The following RGN variants were observed in gnomAD, a reference collection of about 807,000 sequenced individuals.
The protein encoded by RGN is regucalcin.
RGN carries 19 observed loss-of-function variants against 20.6 expected under a neutral mutation model. The observed-to-expected ratio is 0.92, with a 90% CI of 0.64 to 1.35. RGN has a LOEUF of 1.35. RGN is among the 40% of genes most tolerant of loss of function. The probability of loss-of-function intolerance (pLI) is 0.00; values close to 1 mark genes in which losing one functional copy is unlikely to be tolerated. For synonymous variants in RGN, 85 were observed against 87.2 expected (o/e 0.97, Z 0.14); for missense variants, 302 against 232.7 (o/e 1.30, Z -1.94).
At chrX:47,092,821 C>T (rs1447746243) in intron 7 of RGN, 76 bp from the exon 8 acceptor site, 1 of 891,265 alleles carries the variant, frequency 1.1e-6, no homozygotes, top group East Asian at 3.2e-5. Context: ...TATATTACTA[C>T]AAATCATAAA....
At chrX:47,085,031 GTTC>G (rs782310290) in intron 4 of RGN, 5 of 114,743 alleles carry the variant, frequency 4.4e-5, no homozygotes, top group South Asian at 3.7e-4. Flanking sequence ...TGAATCTTGG[GTTC>G]TTCTTTTATT....
At chrX:47,090,073 C>A in intron 5 of RGN, 82 bp downstream of exon 5, 1 of 660,962 alleles carries the variant, frequency 1.5e-6, no homozygotes, top group Non-Finnish European at 2.3e-6. Context: ...TCTCCCTCGC[C>A]TCATGTGAAG....
chrX:47,085,553 C>T (rs1930550708), intron 4 of RGN, among the ~76,000 whole-genome samples: 1 of 111,147 alleles, frequency 9.0e-6, no homozygotes, highest in Non-Finnish European at 1.9e-5. Context: ...CACTTGTATA[C>T]CTTTTACCCG....
chrX:47,081,140 C>A lies in RGN; in HGVS notation c.-5C>A. 8.3e-7 allele frequency: 1 copy of A among 1,203,082 alleles called. No homozygotes were observed. The highest frequency in any genetic ancestry group is 1.1e-6 in the Non-Finnish European group (1 of 887,898). On this transcript the variant is annotated 5_prime_UTR_variant, in exon 3 of 8. Transcript: ENST00000397180. ...TGTTACCTTCAATAGATCTCCCCTG[C>A]GACCATGTCTTCCATTAAGATTGAG...
chrX:47,085,336 C>T (rs912541918), intron 4 of RGN, among the ~76,000 whole-genome samples: 3 of 110,539 alleles, frequency 2.7e-5, no homozygotes, highest in African/African-American at 9.9e-5. Context: ...CTGGCTAACA[C>T]GGTGAAACCC....
intron 7 of RGN, 84 bp downstream of exon 7, chrX:47,092,299 C>A: frequency 2.4e-6 from 2 of 824,856 alleles, no homozygotes; most frequent in Non-Finnish European, 1.7e-6. Context: ...GGTACTTTTG[C>A]ATACTTCCAA....
intron 4 of RGN, among the ~76,000 whole-genome samples, chrX:47,088,701 G>A (rs1930718961): frequency 9.2e-6 from 1 of 108,922 alleles, no homozygotes; most frequent in Admixed American, 1.0e-4. Context: ...GGAGGCCGAG[G>A]CAAGTAGATC....
At chrX:47,084,876 G>A (rs1317336968) in intron 4 of RGN, 4 of 267,663 alleles carry the variant, frequency 1.5e-5, no homozygotes, top group Non-Finnish European at 2.6e-5. Flanking sequence ...GATCATCTGA[G>A]CCCAGGAGTT....
intron 4 of RGN, 124 bp downstream of exon 4, chrX:47,084,724 C>A: frequency 3.6e-6 from 2 of 556,490 alleles, no homozygotes; most frequent in Non-Finnish European, 5.6e-6. Flanking sequence ...GGAGCCAAGG[C>A]GAGTAGGTCG....
chrX:47,080,108 C>T (rs1433469416), intron 1 of RGN, among the ~76,000 whole-genome samples: 1 of 111,633 alleles, frequency 9.0e-6, no homozygotes, highest in African/African-American at 3.3e-5. Flanking sequence ...GTCCCAGACT[C>T]CTGGGCCCAA....
intron 5 of RGN, among the ~76,000 whole-genome samples, chrX:47,090,639 G>T (rs1161906512): frequency 9.1e-6 from 1 of 109,629 alleles, no homozygotes; most frequent in Non-Finnish European, 1.9e-5. Flanking sequence ...TGAAACAAAA[G>T]AGCAACATTA....
At position 47,090,060 on chromosome X, in the gene RGN, G is replaced by A. The variant is rs1002780424; in HGVS notation, c.562+69G>A. 23 of 776,887 alleles carry A rather than the reference G, an allele frequency of 3.0e-5. No homozygotes were observed. The Middle Eastern group carries it at 9.8e-4, about 33-fold the overall frequency. The allele number at this position is 776,887 out of a possible 1,213,427, so 64.0% of individuals were successfully genotyped here. ...TTCATATGTTTGTGACTAGTAAGGC[G>A]CCTCTCCCTCGCCTCATGTGAAGAA... is the stretch of plus-strand genomic sequence containing the variant. On this transcript the variant is annotated intron_variant, in intron 5 of 7. Coordinates refer to ENST00000397180, the MANE Select transcript of RGN (RefSeq NM_152869.4).
At chrX:47,086,229 T>C (rs1396638403) in intron 4 of RGN, among the ~76,000 whole-genome samples, 3 of 111,596 alleles carry the variant, frequency 2.7e-5, no homozygotes, top group African/African-American at 6.5e-5. Flanking sequence ...GTTGATGTTA[T>C]ACATTCCTGA....
At chrX:47,081,970 C>CAAACA (rs782200833) in intron 3 of RGN, among the ~76,000 whole-genome samples, 240 of 112,021 alleles carry the variant, frequency 2.1e-3, no homozygotes, top group Non-Finnish European at 2.1e-3. Context: ...CCTTAATTTT[C>CAAACA]AAACAAAACA....
chrX:47,085,565 G>C (rs1009835850), intron 4 of RGN, among the ~76,000 whole-genome samples: 7 of 110,838 alleles, frequency 6.3e-5, no homozygotes, highest in Non-Finnish European at 9.4e-5. Flanking sequence ...TTTTACCCGG[G>C]TTCACCTATT....
At chrX:47,085,291 G>A (rs1032217110) in intron 4 of RGN, among the ~76,000 whole-genome samples, 2 of 111,445 alleles carry the variant, frequency 1.8e-5, no homozygotes, top group Admixed American at 9.5e-5. Flanking sequence ...AGGCCGAGGC[G>A]GGCAGATCAC....
Position 47,084,467 on chromosome X carries a change from C to T in RGN, c.213C>T (p.Ala71=). The change falls in exon 4 of 8, where the codon GCC becomes GCT. Residue 71 remains alanine (A), a synonymous_variant. Coordinates refer to ENST00000397180, the MANE Select transcript of RGN (RefSeq NM_152869.4). ...TTCGCCAGTCGGGAGGCTATGTTGC[C>T]ACCATTGGAACAAAGTTCTGTGCTT... ...VALRQSGGYV[A]TIGTKFCALN... 4 of 1,206,302 alleles carry T rather than the reference C, an allele frequency of 3.3e-6. No individual in the cohort carries two copies. The highest frequency in any genetic ancestry group is 4.5e-6 in the Non-Finnish European group (4 of 892,500).
At chrX:47,092,271 G>A (rs1931051127) in intron 7 of RGN, 56 bp downstream of exon 7, 3 of 1,011,009 alleles carry the variant, frequency 3.0e-6, no homozygotes, top group South Asian at 4.6e-5. Context: ...ACTTACAGGG[G>A]TAAGTAACTG....
At position 47,084,502 on chromosome X, in the gene RGN, A is replaced by G. The variant is rs782206489; in HGVS notation, c.248A>G (p.Lys83Arg). ...IGTKFCALNW[K>R]EQSAVVLATV... ...ACAAAGTTCTGTGCTTTGAACTGGA[A>G]AGAACAATCAGCAGTTGTCTTGGCC... The change falls in exon 4 of 8, where the codon AAA becomes AGA. Residue 83 changes from lysine (K) to arginine (R), a missense_variant. Coordinates refer to ENST00000397180, the MANE Select transcript of RGN (RefSeq NM_152869.4). 1.7e-6 allele frequency: 2 copies of G among 1,205,974 alleles called. No individual in the cohort carries two copies. Among genetic ancestry groups the G allele is most frequent in the Admixed American group, 2.2e-5 (1 of 45,527 alleles).
Sources: gnomAD v4.1 joint callset for allele counts (sites outside exome capture counted in the v4.1 genomes callset) on GRCh38, gnomAD v4.1.1 for gene constraint, MANE v1.5 for transcripts, NCBI Gene and HGNC (gene_info 2026-07-23, HGNC 2026-07-21) for gene names.